FHOD3: variants seen among roughly 807,000 people sequenced by gnomAD.
FHOD3 encodes formin homology 2 domain containing 3.
Under a neutral mutation model 173.0 loss-of-function variants are expected in FHOD3, and 90 were observed. That is an observed-to-expected ratio of 0.52 (90% CI 0.44 to 0.62). The LOEUF (loss-of-function observed/expected upper bound fraction) is 0.62, where lower values mean the gene tolerates loss of function less well. Among genes scored for constraint, FHOD3 ranks in the 20% least tolerant of loss-of-function variants. The pLI, the probability that FHOD3 is intolerant of heterozygous loss-of-function variation, is 0.00. For missense variants in FHOD3, 1,945 were observed against 2,034.7 expected (o/e 0.96, Z 0.85); for synonymous variants, 828 against 823.0 (o/e 1.01, Z -0.10).
intron 2 of FHOD3, among the ~76,000 whole-genome samples, chr18:36,362,765 TA>T (rs1402202061): frequency 6.6e-6 from 1 of 152,220 alleles, no homozygotes; most frequent in Non-Finnish European, 1.5e-5. Flanking sequence ...GACTCAGGTT[TA>T]GCTGCATGTG....
chr18:36,581,703 C>G (rs2058858854), intron 6 of FHOD3, among the ~76,000 whole-genome samples: 1 of 152,202 alleles, frequency 6.6e-6, no homozygotes, highest in Admixed American at 6.5e-5. Context: ...CATGCTCGTG[C>G]TCATGCGCTC....
At chr18:36,501,408 G>T (rs965256874) in intron 3 of FHOD3, among the ~76,000 whole-genome samples, 2 of 152,170 alleles carry the variant, frequency 1.3e-5, no homozygotes, top group African/African-American at 4.8e-5. Flanking sequence ...GCTCAAGGCA[G>T]CCAGCACACC....
chr18:36,695,818 T>C lies in FHOD3; in HGVS notation c.2236+2395T>C, dbSNP rs141362664. 6.9e-3 allele frequency among the ~76,000 whole-genome samples: 1,045 copies of C among 152,362 alleles called. 13 individuals carry two copies. The highest frequency in any genetic ancestry group is 0.023 in the African/African-American group (961 of 41,578). On this transcript the variant is annotated intron_variant, in intron 17 of 28. Transcript: ENST00000590592. The stretch of plus-strand genomic sequence containing the variant: ...GCCTACTTTATTCTTTGAAGCATTC[T>C]GTTAGCATCCAATTAATAGTATATT...
chr18:36,754,191 A>G (rs915626795), intron 24 of FHOD3, among the ~76,000 whole-genome samples: 1 of 152,198 alleles, frequency 6.6e-6, no homozygotes, highest in African/African-American at 2.4e-5. Flanking sequence ...TACTTTAAAT[A>G]CAAGTTGTAT....
chr18:36,335,079 G>A (rs1010537744), intron 1 of FHOD3, among the ~76,000 whole-genome samples: 5 of 152,226 alleles, frequency 3.3e-5, no homozygotes, highest in African/African-American at 1.2e-4. Flanking sequence ...GATGCACATG[G>A]CAGTCGCCTA....
intron 1 of FHOD3, among the ~76,000 whole-genome samples, chr18:36,337,419 T>C (rs1181306148): frequency 3.3e-5 from 5 of 152,184 alleles, no homozygotes; most frequent in African/African-American, 1.2e-4. Context: ...TCTCCAAACC[T>C]TTCTCAAACA....
chr18:36,719,711 C>T (rs770288825), intron 19 of FHOD3, among the ~76,000 whole-genome samples: 2 of 152,164 alleles, frequency 1.3e-5, no homozygotes, highest in Admixed American at 1.3e-4. Context: ...CTGTCTGAGT[C>T]AGGTTTCCAG....
At chr18:36,390,081 A>G (rs1046359723) in intron 3 of FHOD3, among the ~76,000 whole-genome samples, 13 of 152,186 alleles carry the variant, frequency 8.5e-5, no homozygotes, top group African/African-American at 4.8e-5. Flanking sequence ...CTGTGGACCC[A>G]GGAAGCCCCA....
Position 36,373,043 on chromosome 18 carries a change from T to C in FHOD3, c.337+299T>C, listed in dbSNP as rs192331509. Reference sequence around the variant, plus strand: ...TGTGCCATTGTGAGCCTCTAGCACATTGACCTGATCTTCACGTGCCTCCTG... The same window carrying C: ...TGTGCCATTGTGAGCCTCTAGCACACTGACCTGATCTTCACGTGCCTCCTG... On this transcript the variant is annotated intron_variant, in intron 3 of 28. Coordinates refer to ENST00000590592, the MANE Select transcript of FHOD3 (RefSeq NM_001281740.3). Among the ~76,000 whole-genome samples, 45 of 152,260 alleles carry C rather than the reference T, an allele frequency of 3.0e-4. 1 individual carries two copies. The highest frequency in any genetic ancestry group is 1.6e-3 in the Admixed American group (25 of 15,298).
rs1353565874 is a variant in FHOD3, at chr18:36,687,184, T to C, written c.2021+6T>C. Reference sequence around the variant, plus strand: ...AGGCAAGCAAGAGAAGAAAGGTTTGTATATTTCTTCTTTCCCATTGTAACA... The same window carrying C: ...AGGCAAGCAAGAGAAGAAAGGTTTGCATATTTCTTCTTTCCCATTGTAACA... On this transcript the variant is annotated splice_donor_region_variant and intron_variant, in intron 16 of 28. Transcript: ENST00000590592. 4 of 1,603,158 alleles carry C rather than the reference T, an allele frequency of 2.5e-6. No individual in the cohort carries two copies. The highest frequency in any genetic ancestry group is 3.4e-6 in the Non-Finnish European group (4 of 1,171,326).
rs188879723 is a variant in FHOD3, at chr18:36,720,968, A to T, written c.3417+2253A>T. 1.6e-3 allele frequency among the ~76,000 whole-genome samples: 251 copies of T among 152,178 alleles called. 1 individual carries two copies. Among genetic ancestry groups the T allele is most frequent in the Non-Finnish European group, 2.8e-3 (188 of 68,008 alleles). ...TCCTAGCTTCATTTTTACAAGATTA[A>T]AAGTTTCCTCGAGAAGGCCCAAAAT... On this transcript the variant is annotated intron_variant, in intron 19 of 28. Coordinates refer to ENST00000590592, the MANE Select transcript of FHOD3 (RefSeq NM_001281740.3).
intron 5 of FHOD3, among the ~76,000 whole-genome samples, chr18:36,555,439 C>T (rs967230332): frequency 3.3e-5 from 5 of 150,796 alleles, no homozygotes; most frequent in African/African-American, 4.9e-5. Context: ...TTAAATATAC[C>T]GAGAGTGTTT....
chr18:36,627,719 C>G (rs973493908), intron 10 of FHOD3, among the ~76,000 whole-genome samples: 3 of 152,028 alleles, frequency 2.0e-5, no homozygotes, highest in African/African-American at 7.2e-5. Context: ...GCCTGTGGCC[C>G]CAAAGTGACG....
At chr18:36,364,668 TGC>T (rs961141674) in intron 2 of FHOD3, among the ~76,000 whole-genome samples, 57 of 152,206 alleles carry the variant, frequency 3.7e-4, no homozygotes, top group African/African-American at 1.3e-3. Flanking sequence ...CATTGTAGAG[TGC>T]CACATTGTGG....
intron 5 of FHOD3, among the ~76,000 whole-genome samples, chr18:36,537,467 A>T (rs2057042904): frequency 6.6e-6 from 1 of 152,160 alleles, no homozygotes; most frequent in Admixed American, 6.5e-5. Context: ...CACATGGGGA[A>T]CCTGGACTTC....
At chr18:36,530,375 G>A (rs1450708642) in intron 5 of FHOD3, among the ~76,000 whole-genome samples, 1 of 152,084 alleles carries the variant, frequency 6.6e-6, no homozygotes, top group Admixed American at 6.5e-5. Context: ...ACTTAATGGT[G>A]GTTTCTTTTC....
At chr18:36,744,252 C>A in intron 23 of FHOD3, 59 bp downstream of exon 23, 1 of 1,550,432 alleles carries the variant, frequency 6.4e-7, no homozygotes, top group South Asian at 1.2e-5. Flanking sequence ...GGATCTTTAT[C>A]GGTCATCCTC....
intron 2 of FHOD3, among the ~76,000 whole-genome samples, chr18:36,370,732 C>T (rs2047141660): frequency 6.6e-6 from 1 of 152,160 alleles, no homozygotes; most frequent in Non-Finnish European, 1.5e-5. Flanking sequence ...TGACTTATAA[C>T]TGCTGGTAAT....
intron 26 of FHOD3, among the ~76,000 whole-genome samples, chr18:36,759,901 C>T (rs2042796994): frequency 6.6e-6 from 1 of 152,148 alleles, no homozygotes; most frequent in Admixed American, 6.5e-5. Context: ...TATGGTATTC[C>T]AGCATACCTC....
Sources: gnomAD v4.1 joint callset for allele counts (sites outside exome capture counted in the v4.1 genomes callset) on GRCh38, gnomAD v4.1.1 for gene constraint, MANE v1.5 for transcripts, NCBI Gene and HGNC (gene_info 2026-07-23, HGNC 2026-07-21) for gene names.